MMP14: variants seen among roughly 807,000 people sequenced by gnomAD.
MMP14 encodes the protein matrix metallopeptidase 14, also known as matrix metalloproteinase-14.
Under a neutral mutation model 64.8 loss-of-function variants are expected in MMP14, and 13 were observed. The ratio of observed to expected loss-of-function variants is 0.20; its 90% CI spans 0.13 to 0.32. MMP14 has a LOEUF of 0.32. MMP14 is among the 10% of genes least tolerant of loss of function. MMP14 has a pLI of 1.00. For synonymous variants in MMP14, 322 were observed against 315.9 expected (o/e 1.02, Z -0.20); for missense variants, 594 against 783.8 (o/e 0.76, Z 2.89).
Position 22,840,247 on chromosome 14 carries a change from G to A in MMP14, c.109-1244G>A, listed in dbSNP as rs369926468. On this transcript the variant is annotated intron_variant, in intron 1 of 9. Transcript: ENST00000311852. ...CTCCCAAACTGTCGGGATTACAGGC[G>A]TCAGCCACCACGCCCAGCCTGGCTT... Among the ~76,000 whole-genome samples, 9 of 152,110 alleles carry A rather than the reference G, an allele frequency of 5.9e-5. No homozygotes were observed. The South Asian group carries it at 1.7e-3, about 28-fold the overall frequency.
rs1042095335 is a variant in MMP14 at position 22,842,110 on chromosome 14, AGAGACCCCCTGCCCCACTCCCC to A, written c.380+76_380+97del. ...ACCCATTGTGCTTATGCAGGGACTCAGAGACCCCCTGCCCCACTCCCCTCAGTTCCTGGGAAGCATCCGTGGG... is the reference window on the plus strand; with the variant it reads ...ACCCATTGTGCTTATGCAGGGACTCATCAGTTCCTGGGAAGCATCCGTGGG... On this transcript the variant is annotated intron_variant, in intron 3 of 9. Transcript: ENST00000311852. This position sits in a 1 kb window ranked among gnomAD's most constrained non-coding sequence, Gnocchi z 5.3. The A allele has an allele frequency of 1.0e-5, 16 of 1,571,516 alleles. No individual in the cohort carries two copies. The African/African-American group carries it at 2.0e-4, about 20-fold the overall frequency.
chr14:22,842,728 T>A lies in MMP14; in HGVS notation c.688+11T>A, dbSNP rs1595014784. The A allele has an allele frequency of 6.3e-7, 1 of 1,585,026 alleles. No homozygotes were observed. The highest frequency in any genetic ancestry group is 2.2e-5 in the East Asian group (1 of 44,524). On this transcript the variant is annotated intron_variant, in intron 4 of 9. Transcript: ENST00000311852. This position sits in a 1 kb window ranked among gnomAD's most constrained non-coding sequence, Gnocchi z 5.3. ...ATGAGGATCTGAATGGTGAGCCAAG[T>A]ATCCCTGGGACTTACTCTGGAAAAA... is the stretch of plus-strand genomic sequence containing the variant.
chr14:22,845,676 T>C (rs757848970), intron 9 of MMP14, 32 bp from the exon 10 acceptor site: 2 of 1,608,968 alleles, frequency 1.2e-6, no homozygotes, highest in South Asian at 1.1e-5. Flanking sequence ...GGGTCTTCCC[T>C]TCCTTACCAC....
intron 1 of MMP14, among the ~76,000 whole-genome samples, chr14:22,839,538 T>C (rs1451352705): frequency 1.3e-5 from 2 of 152,214 alleles, no homozygotes; most frequent in Non-Finnish European, 2.9e-5. Flanking sequence ...TAGCCAAGAC[T>C]GTTGGCTGGG....
chr14:22,843,099 T>C lies in MMP14; in HGVS notation c.689-158T>C, dbSNP rs17885327. Reference sequence around the variant, plus strand: ...AGGAGCTTGCTGACTGGCTTTGTGCTTAAATACCAGATAAAAAGCTAGACC... The same window carrying C: ...AGGAGCTTGCTGACTGGCTTTGTGCCTAAATACCAGATAAAAAGCTAGACC... On this transcript the variant is annotated intron_variant, in intron 4 of 9. Coordinates refer to ENST00000311852, the MANE Select transcript of MMP14 (RefSeq NM_004995.4). This position sits in a 1 kb window ranked among gnomAD's most constrained non-coding sequence, Gnocchi z 4.8. Among the ~76,000 whole-genome samples the C allele has an allele frequency of 5.4e-4, 82 of 152,330 alleles. No homozygotes were observed. The highest frequency in any genetic ancestry group is 1.0e-3 in the Non-Finnish European group (69 of 68,030).
chr14:22,845,405 G>A (rs1296231220), intron 9 of MMP14, 39 bp downstream of exon 9: 5 of 1,441,076 alleles, frequency 3.5e-6, no homozygotes, highest in Middle Eastern at 3.6e-4. Flanking sequence ...AGAGAAGGAT[G>A]GGAATAGGGA....
At position 22,843,934 on chromosome 14, in the gene MMP14, G is replaced by A. The variant is rs946860232; in HGVS notation, c.1011+64G>A. On this transcript the variant is annotated intron_variant, in intron 6 of 9. Coordinates refer to ENST00000311852, the MANE Select transcript of MMP14 (RefSeq NM_004995.4). The surrounding 1 kb of genome is among the most constrained non-coding windows in gnomAD (Gnocchi z 4.8). Reference sequence around the variant, plus strand: ...CTATGGGCTGGGCATGGTGGCTCATGCCTGTAATCCTAGCACTTTGAGAGG... The same window carrying A: ...CTATGGGCTGGGCATGGTGGCTCATACCTGTAATCCTAGCACTTTGAGAGG... The A allele has an allele frequency of 5.1e-6, 8 of 1,577,344 alleles. No individual in the cohort carries two copies. Among genetic ancestry groups the A allele is most frequent in the Non-Finnish European group, 6.9e-6 (8 of 1,167,280 alleles).
intron 1 of MMP14, among the ~76,000 whole-genome samples, chr14:22,837,726 G>T (rs542923219): frequency 3.0e-4 from 46 of 152,336 alleles, no homozygotes; most frequent in African/African-American, 1.0e-3. Flanking sequence ...TGGGGAGAGG[G>T]TCTGGTCCGG....
At chr14:22,841,693 C>T (rs990007974) in intron 2 of MMP14, 54 bp downstream of exon 2, 57 of 1,605,864 alleles carry the variant, frequency 3.5e-5, no homozygotes, top group African/African-American at 6.7e-5. Context: ...ACAATGCCAG[C>T]GCCAGAGATG....
At chr14:22,844,295 C>T (rs183098546) in intron 6 of MMP14, 76 bp from the exon 7 acceptor site, 41 of 1,581,286 alleles carry the variant, frequency 2.6e-5, no homozygotes, top group East Asian at 6.7e-5. Flanking sequence ...AACAGCAGTG[C>T]GGGAGCTTTG....
intron 8 of MMP14, among the ~76,000 whole-genome samples, 153 bp from the exon 9 acceptor site, chr14:22,845,098 C>T (rs965120814): frequency 2.6e-5 from 4 of 152,136 alleles, no homozygotes; most frequent in Non-Finnish European, 5.9e-5. Context: ...CCCCACCTTC[C>T]GCCGCTTTCA....
chr14:22,847,144 G>A lies in MMP14; in HGVS notation c.*1105G>A, dbSNP rs1042630722. On this transcript the variant is annotated 3_prime_UTR_variant, in exon 10 of 10. Coordinates refer to ENST00000311852, the MANE Select transcript of MMP14 (RefSeq NM_004995.4). The stretch of plus-strand genomic sequence containing the variant: ...TGCCCAGGCAGCGTGGAGGGGAAGG[G>A]TAGGGCAGCCAGAGAAAGGAGCAGA... 1 of 152,782 alleles carries A rather than the reference G, an allele frequency of 6.5e-6. No individual in the cohort carries two copies. The highest frequency in any genetic ancestry group is 1.5e-5 in the Non-Finnish European group (1 of 68,440). The allele number at this position is 152,782 out of a possible 1,614,324, so 9.5% of individuals were successfully genotyped here. A position where few individuals can be genotyped will look rare whatever the true frequency, so the allele number is the denominator to read the frequency against.
Position 22,843,209 on chromosome 14 carries a change from T to C in MMP14, c.689-48T>C. On this transcript the variant is annotated intron_variant, in intron 4 of 9. Transcript: ENST00000311852. The surrounding 1 kb of genome is among the most constrained non-coding windows in gnomAD (Gnocchi z 4.8). Reference sequence around the variant, plus strand: ...GCTGCTGGTGGGGAAGCAGGGAGGCTGAGGGAAGGGACTCAGGCTGCTATC... The same window carrying C: ...GCTGCTGGTGGGGAAGCAGGGAGGCCGAGGGAAGGGACTCAGGCTGCTATC... 1.3e-6 allele frequency: 2 copies of C among 1,570,192 alleles called. No homozygotes were observed. Among genetic ancestry groups the C allele is most frequent in the Non-Finnish European group, 1.7e-6 (2 of 1,152,058 alleles).
intron 1 of MMP14, among the ~76,000 whole-genome samples, chr14:22,840,537 C>T (rs7149123): frequency 0.017 from 2,576 of 149,802 alleles, 66 homozygotes; most frequent in African/African-American, 0.057. Flanking sequence ...GAGACGGAGT[C>T]TTGCTTTGTC....
rs764623811 is a variant in MMP14, at chr14:22,842,687, C to T, written c.658C>T (p.Pro220Ser). ...GGDTHFDSAE[P>S]WTVRNEDLNG... is the part of the protein sequence containing the mutation. ...AGACACCCACTTTGACTCTGCCGAG[C>T]CTTGGACTGTCAGGAATGAGGATCT... The change falls in exon 4 of 10, where the codon CCT becomes TCT. Residue 220 changes from proline (P) to serine (S), a missense_variant. This residue lies in a region of MMP14 where 179 missense variants were observed against 283.4 expected (regional missense o/e 0.63). Transcript: ENST00000311852. The surrounding 1 kb of genome is among the most constrained non-coding windows in gnomAD (Gnocchi z 5.3). 6.2e-7 allele frequency: 1 copy of T among 1,609,224 alleles called. No individual in the cohort carries two copies. Among genetic ancestry groups the T allele is most frequent in the South Asian group, 1.1e-5 (1 of 90,614 alleles).
rs1042704 is a variant in MMP14 at position 22,843,385 on chromosome 14, G to C, written c.817G>C (p.Asp273His). ...GGACACGGAGAATTTTGTGCTGCCC[G>C]ATGATGACCGCCGGGGCATCCAGCA... Reference protein sequence around the residue: ...WMDTENFVLPDDDRRGIQQLY... With the variant: ...WMDTENFVLPHDDRRGIQQLY... The change falls in exon 5 of 10, where the codon GAT (aspartate) becomes CAT (histidine). Residue 273 changes from aspartate (D) to histidine (H), a missense_variant. Around this residue, in one of 4 missense-constraint regions of MMP14, gnomAD observed 364 missense variants for 425.2 expected, o/e 0.86. Coordinates refer to ENST00000311852, the MANE Select transcript of MMP14 (RefSeq NM_004995.4). This position sits in a 1 kb window ranked among gnomAD's most constrained non-coding sequence, Gnocchi z 4.8. The C allele has an allele frequency of 1.9e-6, 3 of 1,613,790 alleles. No homozygotes were observed. The Admixed American group carries it at 5.0e-5, about 27-fold the overall frequency.
At chr14:22,839,303 C>T (rs2039756510) in intron 1 of MMP14, among the ~76,000 whole-genome samples, 1 of 152,228 alleles carries the variant, frequency 6.6e-6, no homozygotes, top group African/African-American at 2.4e-5. Flanking sequence ...GGGCAAAAGA[C>T]ATTTCCTGCA....
intron 2 of MMP14, 33 bp from the exon 3 acceptor site, chr14:22,841,880 T>C: frequency 6.2e-7 from 1 of 1,614,016 alleles, no homozygotes; most frequent in Non-Finnish European, 8.5e-7. Context: ...TACACTGCAC[T>C]GATCCCAATC....
Position 22,845,821 on chromosome 14 carries a change from G to A in MMP14, c.1531G>A (p.Gly511Arg), listed in dbSNP as rs2039808612. The change falls in exon 10 of 10, where the codon GGA becomes AGA. Residue 511 changes from glycine to arginine, a missense_variant. Physicochemically the swap from Gly to Arg is moderately radical, Grantham distance 125 (BLOSUM62 -2). Transcript: ENST00000311852. ...GAGGGACTGGATGGGCTGCCCATCG[G>A]GAGGCCGGCCGGATGAGGGGACTGA... is the stretch of plus-strand genomic sequence containing the variant. Reference protein sequence around the residue: ...ALRDWMGCPSGGRPDEGTEEE... With the variant: ...ALRDWMGCPSRGRPDEGTEEE... The A allele has an allele frequency of 6.2e-7, 1 of 1,614,046 alleles. No individual in the cohort carries two copies.
Sources: allele counts gnomAD v4.1 joint callset (sites outside exome capture counted in the v4.1 genomes callset), GRCh38; gene constraint gnomAD v4.1.1; regional missense constraint gnomAD v4.1.1; non-coding constraint Gnocchi (gnomAD v3.1); transcripts MANE v1.5; gene names NCBI Gene and HGNC (gene_info 2026-07-23, HGNC 2026-07-21).